SRR: variants seen among roughly 807,000 people sequenced by gnomAD.
SRR encodes the protein D-serine ammonia-lyase.
Under a neutral mutation model 32.7 loss-of-function variants are expected in SRR, and 19 were observed. The observed-to-expected ratio is 0.58, with a 90% CI of 0.40 to 0.85. SRR has a LOEUF of 0.85. Among genes scored for constraint, SRR ranks in the 40% least tolerant of loss-of-function variants. SRR has a pLI of 0.00. For synonymous variants in SRR, 142 were observed against 140.9 expected (o/e 1.01, Z -0.06); for missense variants, 373 against 404.7 (o/e 0.92, Z 0.67).
At position 2,321,577 on chromosome 17, in the gene SRR, TGGA is replaced by T. The variant is rs1237556108; in HGVS notation, c.562_564del (p.Gly188del). 2 of 1,614,022 alleles carry T rather than the reference TGGA, an allele frequency of 1.2e-6. No homozygotes were observed. The highest frequency in any genetic ancestry group is 1.7e-5 in the Admixed American group (1 of 59,988). ...TGGATGCACTGGTGGTACCTGTAGGTGGAGGAGGAATGCTTGCTGGAATAGCAA... is the reference window on the plus strand; with the variant it reads ...TGGATGCACTGGTGGTACCTGTAGGTGGAGGAATGCTTGCTGGAATAGCAA... On this transcript the variant is annotated inframe_deletion, in exon 6 of 8. Coordinates refer to ENST00000344595, the MANE Select transcript of SRR (RefSeq NM_021947.3).
chr17:2,323,275 G>C lies in SRR; in HGVS notation c.734G>C (p.Gly245Ala). The C allele has an allele frequency of 6.2e-7, 1 of 1,614,130 alleles. No homozygotes were observed. The highest frequency in any genetic ancestry group is 8.5e-7 in the Non-Finnish European group (1 of 1,179,994). ...TIADGVKSSI[G>A]LNTWPIIRDL... Reference sequence around the variant, plus strand: ...GCAGATGGTGTCAAATCCAGCATTGGCTTGAACACCTGGCCTATTATCAGG... The same window carrying C: ...GCAGATGGTGTCAAATCCAGCATTGCCTTGAACACCTGGCCTATTATCAGG... Residue 245 changes from glycine to alanine, a missense_variant, in exon 7 of 8, where the codon GGC becomes GCC. Physicochemically the swap from Gly to Ala is moderately conservative, Grantham distance 60 (BLOSUM62 0). Coordinates refer to ENST00000344595, the MANE Select transcript of SRR (RefSeq NM_021947.3).
chr17:2,324,171 G>A lies in SRR; in HGVS notation c.*298G>A, dbSNP rs1287478248. 6.6e-7 allele frequency: 1 copy of A among 1,513,090 alleles called. No homozygotes were observed. The highest frequency in any genetic ancestry group is 1.4e-5 in the African/African-American group (1 of 71,742). 93.7% of individuals were successfully genotyped at this position (1,513,090 alleles called of 1,614,324 possible). Reference sequence around the variant, plus strand: ...ATCCCTGGAGTACTGACTGGCACCGGTAAGACAGAATCTCTTTGAATCCAT... The same window carrying A: ...ATCCCTGGAGTACTGACTGGCACCGATAAGACAGAATCTCTTTGAATCCAT... On this transcript the variant is annotated 3_prime_UTR_variant, in exon 8 of 8. Coordinates refer to ENST00000344595, the MANE Select transcript of SRR (RefSeq NM_021947.3).
intron 1 of SRR, among the ~76,000 whole-genome samples, chr17:2,310,240 G>A (rs1461027238): frequency 2.6e-5 from 4 of 152,060 alleles, no homozygotes; most frequent in African/African-American, 7.2e-5. Context: ...TTGTATTCTG[G>A]GTTTTGTTGT....
chr17:2,303,720 T>A, upstream of SRR: 1 of 1,491,672 alleles, frequency 6.7e-7, no homozygotes, highest in Non-Finnish European at 8.9e-7. Flanking sequence ...CCTTCCGCCA[T>A]CTTCGCGGCT....
At position 2,315,209 on chromosome 17, in the gene SRR, C is replaced by T. The variant is rs2075463179; in HGVS notation, c.-4-348C>T. On this transcript the variant is annotated intron_variant, in intron 1 of 7. Transcript: ENST00000344595. ...TGAGCCGAGATTGTGCCACTGCACT[C>T]CAGCCTGGGCTACAGAGCGAGACTC... Among the ~76,000 whole-genome samples the T allele has an allele frequency of 3.3e-5, 5 of 150,902 alleles. No individual in the cohort carries two copies. In the South Asian group the frequency reaches 1.1e-3, roughly 32 times the overall value.
upstream of SRR, chr17:2,303,788 A>T (rs1377538997): frequency 2.3e-6 from 3 of 1,280,580 alleles, no homozygotes; most frequent in Non-Finnish European, 3.1e-6. Context: ...ACCACCACAG[A>T]CGGGCGGCGC....
At chr17:2,317,207 G>GAA (rs1238108697) in intron 2 of SRR, among the ~76,000 whole-genome samples, 7 of 54,322 alleles carry the variant, frequency 1.3e-4, no homozygotes, top group Admixed American at 2.4e-4. Context: ...CATCTCGGGG[G>GAA]AAAAAAAAAA....
chr17:2,307,839 GAT>G (rs2075403426), intron 1 of SRR: 2 of 661,088 alleles, frequency 3.0e-6, no homozygotes, highest in Non-Finnish European at 5.5e-6. Flanking sequence ...CTACAAAGAA[GAT>G]ATGTTTTAGA....
chr17:2,305,848 C>A (rs887833260), intron 1 of SRR, among the ~76,000 whole-genome samples: 1 of 151,974 alleles, frequency 6.6e-6, no homozygotes, highest in Admixed American at 6.5e-5. Context: ...CAGGCGCCCA[C>A]CACCATGCCC....
At chr17:2,304,762 A>G (rs76007600) in intron 1 of SRR, among the ~76,000 whole-genome samples, 1 of 148,360 alleles carries the variant, frequency 6.7e-6, no homozygotes, top group East Asian at 2.0e-4. Flanking sequence ...CTCCGCCTCA[A>G]AAAAAAAAAA....
upstream of SRR, chr17:2,303,614 G>T: frequency 6.9e-7 from 1 of 1,439,316 alleles, no homozygotes. Context: ...CGGCCCAGGA[G>T]CTGGGCGGCG....
At chr17:2,322,411 A>C (rs2075537374) in intron 6 of SRR, 1 of 152,242 alleles carries the variant, frequency 6.6e-6, no homozygotes, top group Non-Finnish European at 1.5e-5. Flanking sequence ...TCAGACATAT[A>C]ATTTATTTAT....
intron 4 of SRR, 127 bp downstream of exon 4, chr17:2,319,056 C>A: frequency 5.0e-6 from 3 of 604,146 alleles, no homozygotes; most frequent in South Asian, 4.0e-5. Context: ...GCATGCTCAA[C>A]CTTTTCTCTA....
rs912024627 is a variant in SRR at position 2,324,237 on chromosome 17, T to G, written c.*364T>G. 5.2e-6 allele frequency: 8 copies of G among 1,529,874 alleles called. No homozygotes were observed. In the East Asian group the frequency reaches 1.6e-4, roughly 30 times the overall value. The allele number at this position is 1,529,874 out of a possible 1,614,324, so 94.8% of individuals were successfully genotyped here. A position where few individuals can be genotyped will look rare whatever the true frequency, so the allele number is the denominator to read the frequency against. On this transcript the variant is annotated 3_prime_UTR_variant, in exon 8 of 8. Coordinates refer to ENST00000344595, the MANE Select transcript of SRR (RefSeq NM_021947.3). ...TGAGGCACTGTTGAAGAAATCTCAC[T>G]TTTCAGCCAGGGTACTGGTTCTGGT...
chr17:2,317,521 TA>T (rs1214047731), intron 2 of SRR, among the ~76,000 whole-genome samples: 14 of 140,086 alleles, frequency 1.0e-4, no homozygotes, highest in Admixed American at 2.8e-4. Flanking sequence ...TCTAAAAAAA[TA>T]AAAAAAAAAA....
chr17:2,318,619 ATTTTTTTTTTTTT>A (rs35847724), intron 3 of SRR, among the ~76,000 whole-genome samples, 194 bp from the exon 4 acceptor site: 1 of 92,550 alleles, frequency 1.1e-5, no homozygotes, highest in Non-Finnish European at 2.0e-5. Flanking sequence ...ATGCCTGGCT[ATTTTTTTTTTTTT>A]TTTTTTTTTT....
Position 2,313,441 on chromosome 17 carries a change from A to G in SRR, c.-4-2116A>G, listed in dbSNP as rs1194861376. ...AAGACTCTCTCAAAAAAAAAAAAAA[A>G]GTTGGATAAATGGGCCGGGCGTGGT... On this transcript the variant is annotated intron_variant, in intron 1 of 7. Coordinates refer to ENST00000344595, the MANE Select transcript of SRR (RefSeq NM_021947.3). Among the ~76,000 whole-genome samples, 7 of 150,062 alleles carry G rather than the reference A, an allele frequency of 4.7e-5. No individual in the cohort carries two copies. In the South Asian group the frequency reaches 1.5e-3, roughly 32 times the overall value.
At chr17:2,303,925 T>G (rs2075351045), upstream of SRR, 275 of 245,480 alleles carry the variant, frequency 1.1e-3, no homozygotes, top group East Asian at 6.4e-3. Flanking sequence ...AGCGAGAGCC[T>G]GGGTGGGGCG....
At position 2,323,923 on chromosome 17, in the gene SRR, CA is replaced by C. The variant is rs766887655; in HGVS notation, c.*51del. 9.9e-6 allele frequency: 15 copies of C among 1,515,800 alleles called. No homozygotes were observed. In the East Asian group the frequency reaches 2.5e-4, roughly 25 times the overall value. The allele number at this position is 1,515,800 out of a possible 1,614,324, so 93.9% of individuals were successfully genotyped here. On this transcript the variant is annotated 3_prime_UTR_variant, in exon 8 of 8. Transcript: ENST00000344595. ...ATTCAGTGTCTTTAGATACTGAAGA[CA>C]TTTTGTTTCCTAGTATTGTCAACTC...
Sources: allele counts gnomAD v4.1 joint callset (sites outside exome capture counted in the v4.1 genomes callset), GRCh38; gene constraint gnomAD v4.1.1; transcripts MANE v1.5; gene names NCBI Gene and HGNC (gene_info 2026-07-23, HGNC 2026-07-21).